The following PFKFB3 variants were observed in gnomAD, a reference collection of about 807,000 sequenced individuals.
PFKFB3 encodes the protein 6-phosphofructo-2-kinase/fructose-2,6-bisphosphatase 3.
Under a neutral mutation model 68.0 loss-of-function variants are expected in PFKFB3, and 33 were observed. That is an observed-to-expected ratio of 0.49 (90% confidence interval 0.37 to 0.65). PFKFB3 has a LOEUF of 0.65. Ranked by LOEUF, PFKFB3 falls within the 30% of genes least tolerant of loss-of-function variation. PFKFB3 has a pLI of 0.00. For synonymous variants in PFKFB3, 315 were observed against 288.2 expected, an observed-to-expected ratio of 1.09 and a Z score of -0.94; for missense variants, 586 against 712.2, an observed-to-expected ratio of 0.82 and a Z score of 2.02.
At chr10:6,151,559 C>T (rs1272889799) in intron 1 of PFKFB3, among the ~76,000 whole-genome samples, 1 of 152,048 alleles carries the variant, frequency 6.6e-6, no homozygotes, top group Non-Finnish European at 1.5e-5. Context: ...TGGAGTTGGT[C>T]TGCTGTCGTG....
intron 14 of PFKFB3, among the ~76,000 whole-genome samples, chr10:6,247,133 G>T (rs536645688): frequency 1.2e-3 from 181 of 152,288 alleles, no homozygotes; most frequent in Non-Finnish European, 3.7e-4. Context: ...TTCATTCTCG[G>T]CTTGGCTACC....
chr10:6,319,621 C>T, the PFKFB3 span, among the ~76,000 whole-genome samples: 737 of 151,198 alleles, frequency 4.9e-3, 12 homozygotes, highest in African/African-American at 0.017. Context: ...CCATGTAACA[C>T]GTAACAAAAC....
In PFKFB3 at chr10:6,215,276, C is replaced by G. The variant is rs1588498491; in HGVS notation, c.258C>G (p.Asn86Lys). The G allele has an allele frequency of 6.2e-7, 1 of 1,614,008 alleles. No individual in the cohort carries two copies. The highest frequency in any genetic ancestry group is 8.5e-7 in the Non-Finnish European group (1 of 1,180,006). Residue 86 changes from asparagine to lysine, a missense_variant, in exon 3 of 15, where the codon AAC becomes AAG. Coordinates refer to ENST00000379775, the MANE Select transcript of PFKFB3 (RefSeq NM_004566.4). This position sits in a 1 kb window ranked among gnomAD's most constrained non-coding sequence, Gnocchi z 4.3. ...REAVKQYSSYNFFRPDNEEAM... is the reference protein window; with the variant it reads ...REAVKQYSSYKFFRPDNEEAM... Reference sequence around the variant, plus strand: ...CTGTGAAGCAGTACAGCTCCTACAACTTCTTCCGCCCCGACAATGAGGAAG... The same window carrying G: ...CTGTGAAGCAGTACAGCTCCTACAAGTTCTTCCGCCCCGACAATGAGGAAG...
rs1554842999 is a variant in PFKFB3 at position 6,177,484 on chromosome 10, CT to C, written c.16+32476del. 5.1e-3 allele frequency among the ~76,000 whole-genome samples: 559 copies of C among 109,560 alleles called. 23 individuals carry two copies. The East Asian group carries it at 0.068, about 13-fold the overall frequency. The allele number at this position is 109,560 out of a possible 152,430, so 71.9% of individuals were successfully genotyped here. On this transcript the variant is annotated intron_variant, in intron 1 of 14. Coordinates refer to the PFKFB3 transcript ENST00000379789. ...TCTTTCTTTCTTTCTTTCTTTCTTTCTTTTTCTTTTCTTTCTCTCTCTCGCT... is the reference window on the plus strand; with the variant it reads ...TCTTTCTTTCTTTCTTTCTTTCTTTCTTTTCTTTTCTTTCTCTCTCTCGCT...
intron 14 of PFKFB3, among the ~76,000 whole-genome samples, chr10:6,244,123 T>C (rs1846201117): frequency 6.6e-6 from 1 of 152,198 alleles, no homozygotes; most frequent in African/African-American, 2.4e-5. Context: ...TCTCCAGTGT[T>C]GGGATTACAG....
chr10:6,160,720 A>AAAG (rs1431442649), intron 1 of PFKFB3, among the ~76,000 whole-genome samples: 3 of 146,026 alleles, frequency 2.1e-5, no homozygotes, highest in Admixed American at 7.6e-5. Context: ...CTCTGTCTCA[A>AAAG]AAAAAAAAAA....
At chr10:6,191,923 G>A (rs183465916) in intron 1 of PFKFB3, among the ~76,000 whole-genome samples, 2 of 152,110 alleles carry the variant, frequency 1.3e-5, no homozygotes, top group African/African-American at 2.4e-5. Flanking sequence ...CACCCTGGTC[G>A]CCGTTCTCTG....
chr10:6,298,372 CT>C, the PFKFB3 span, among the ~76,000 whole-genome samples: 131,654 of 139,698 alleles, frequency 0.94, 62,197 homozygotes, highest in South Asian at 0.99. Flanking sequence ...GTTCAGGGCA[CT>C]TTTTTTTTTT....
intron 13 of PFKFB3, chr10:6,225,218 G>A (rs777729073): frequency 1.3e-5 from 6 of 456,142 alleles, no homozygotes; most frequent in Middle Eastern, 3.2e-4. Flanking sequence ...TAGACCGAGC[G>A]TGACTTTCTG....
Position 6,215,231 on chromosome 10 carries a change from C to A in PFKFB3, c.213C>A (p.Val71=). 2 of 1,613,778 alleles carry A rather than the reference C, an allele frequency of 1.2e-6. No homozygotes were observed. The highest frequency in any genetic ancestry group is 1.7e-6 in the Non-Finnish European group (2 of 1,179,804). Residue 71 remains valine (V), a synonymous_variant, in exon 3 of 15, where the codon GTC becomes GTA. Transcript: ENST00000379775. This position sits in a 1 kb window ranked among gnomAD's most constrained non-coding sequence, Gnocchi z 4.3. ...CTTTCCCGTCCACAGTGTTCAACGTCGGGGAGTATCGCCGGGAGGCTGTGA... is the reference window on the plus strand; with the variant it reads ...CTTTCCCGTCCACAGTGTTCAACGTAGGGGAGTATCGCCGGGAGGCTGTGA... ...WIGVPTKVFN[V]GEYRREAVKQ...
At chr10:6,292,410 G>A in the PFKFB3 span, among the ~76,000 whole-genome samples, 24 of 146,406 alleles carry the variant, frequency 1.6e-4, no homozygotes, top group African/African-American at 4.8e-4. Context: ...TCAGCCTCCC[G>A]AGTAGCTGGG....
In PFKFB3 at chr10:6,206,571, C is replaced by T. The variant is rs1463179027; in HGVS notation, c.76+3235C>T. Among the ~76,000 whole-genome samples, 41 of 56,710 alleles carry T rather than the reference C, an allele frequency of 7.2e-4. 1 individual carries two copies. The East Asian group carries it at 0.058, about 80-fold the overall frequency. The allele number at this position is 56,710 out of a possible 152,430, so 37.2% of individuals were successfully genotyped here. On this transcript the variant is annotated intron_variant, in intron 1 of 14. Transcript: ENST00000379775. ...TCACCTCCCGGACGGGGCGGCTGGC[C>T]GGGCAGGGGCTGACCCCCCCACCTC...
At chr10:6,224,421 G>GTCC (rs1361965908) in intron 13 of PFKFB3, 4 of 633,340 alleles carry the variant, frequency 6.3e-6, no homozygotes, top group Non-Finnish European at 1.1e-5. Flanking sequence ...TTCTTCCTGT[G>GTCC]TCCTCTTCCT....
At position 6,221,689 on chromosome 10, in the gene PFKFB3, G is replaced by A; in HGVS notation, c.1027G>A (p.Glu343Lys). Reference sequence around the variant, plus strand: ...CGAGGAGATCAGGGACACCTACCCTGAGGAGTATGCGCTGCGGGAGCAGGA... The same window carrying A: ...CGAGGAGATCAGGGACACCTACCCTAAGGAGTATGCGCTGCGGGAGCAGGA... ...TYEEIRDTYPEEYALREQDKY... is the reference protein window; with the variant it reads ...TYEEIRDTYPKEYALREQDKY... Residue 343 changes from glutamate to lysine, a missense_variant, in exon 10 of 15, where the codon GAG becomes AAG. Transcript: ENST00000379775. The A allele has an allele frequency of 6.2e-7, 1 of 1,610,898 alleles. No individual in the cohort carries two copies. The highest frequency in any genetic ancestry group is 8.5e-7 in the Non-Finnish European group (1 of 1,179,018).
chr10:6,303,361 A>G, the PFKFB3 span, among the ~76,000 whole-genome samples: 1 of 152,252 alleles, frequency 6.6e-6, no homozygotes, highest in Non-Finnish European at 1.5e-5. Flanking sequence ...CACATGGTGC[A>G]ATGTAGCAAC....
At chr10:6,199,658 A>ATTTTTTTTTTTTTTTTTTT (rs143309528), upstream of PFKFB3, among the ~76,000 whole-genome samples, 5 of 75,596 alleles carry the variant, frequency 6.6e-5, no homozygotes, top group Admixed American at 1.9e-4. Flanking sequence ...CTATTTTTAA[A>ATTTTTTTTTTTTTTTTTTT]TTTTTTTTTT....
At chr10:6,150,173 A>C (rs936280314) in intron 1 of PFKFB3, among the ~76,000 whole-genome samples, 2 of 152,230 alleles carry the variant, frequency 1.3e-5, no homozygotes, top group Non-Finnish European at 2.9e-5. Context: ...ATTTGTTCTC[A>C]GAATGCTTTC....
intron 6 of PFKFB3, among the ~76,000 whole-genome samples, chr10:6,218,348 T>TG (rs1232119267): frequency 4.0e-4 from 1 of 2,514 alleles, no homozygotes; most frequent in African/African-American, 4.1e-4. Flanking sequence ...TGAACTTAGA[T>TG]TTTTTTTTTA....
downstream of PFKFB3, among the ~76,000 whole-genome samples, chr10:6,254,888 G>A (rs1232380014): frequency 1.6e-5 from 2 of 127,154 alleles, no homozygotes; most frequent in East Asian, 2.5e-4. Flanking sequence ...CACGATCTTG[G>A]CTCATTGCAG....
Sources: gnomAD v4.1 joint callset for allele counts (sites outside exome capture counted in the v4.1 genomes callset) on GRCh38, gnomAD v4.1.1 for gene constraint, Gnocchi (gnomAD v3.1) non-coding constraint, MANE v1.5 for transcripts, NCBI Gene and HGNC (gene_info 2026-07-23, HGNC 2026-07-21) for gene names.